MECOM: variants seen among roughly 807,000 people sequenced by gnomAD.
MECOM encodes the protein histone-lysine N-methyltransferase MECOM.
Under a neutral mutation model 116.3 loss-of-function variants are expected in MECOM, and 13 were observed. The observed-to-expected ratio is 0.11, with a 90% CI of 0.07 to 0.18. MECOM has a LOEUF of 0.18. Among genes scored for constraint, MECOM ranks in the 10% least tolerant of loss-of-function variants. The pLI, the probability that MECOM is intolerant of heterozygous loss-of-function variation, is 1.00. For missense variants in MECOM, 1,299 were observed against 1,509.0 expected (o/e 0.86, Z 2.31); for synonymous variants, 528 against 535.2 (o/e 0.99, Z 0.19).
intron 2 of MECOM, among the ~76,000 whole-genome samples, chr3:169,200,838 C>T (rs550645460): frequency 6.6e-6 from 1 of 152,166 alleles, no homozygotes; most frequent in South Asian, 2.1e-4. Context: ...GCAAGACCTC[C>T]CTACTCTGAT....
chr3:169,183,979 C>T (rs938205546), intron 2 of MECOM, among the ~76,000 whole-genome samples: 4 of 151,960 alleles, frequency 2.6e-5, no homozygotes, highest in Non-Finnish European at 4.4e-5. Flanking sequence ...ATTCTCCTGC[C>T]TCAGCCTCCC....
intron 2 of MECOM, among the ~76,000 whole-genome samples, chr3:169,350,973 A>G (rs1387768730): frequency 6.6e-6 from 1 of 151,942 alleles, no homozygotes; most frequent in African/African-American, 2.4e-5. Context: ...TTGTTTCATA[A>G]AATTATAGTA....
chr3:169,367,358 T>G (rs1560182405), intron 2 of MECOM, among the ~76,000 whole-genome samples: 2 of 151,546 alleles, frequency 1.3e-5, no homozygotes, highest in South Asian at 2.1e-4. Flanking sequence ...AATTTTTTTT[T>G]TGTGGGGGTA....
At chr3:169,337,419 G>A (rs1208392173) in intron 2 of MECOM, among the ~76,000 whole-genome samples, 1 of 152,058 alleles carries the variant, frequency 6.6e-6, no homozygotes, top group Admixed American at 6.6e-5. Flanking sequence ...TTCCCGACAC[G>A]CATCCTTTTG....
intron 1 of MECOM, among the ~76,000 whole-genome samples, chr3:169,438,536 G>A (rs1020299495): frequency 7.2e-5 from 11 of 152,156 alleles, no homozygotes; most frequent in Non-Finnish European, 1.2e-4. Context: ...TTTATCCACC[G>A]ATTCCCATCA....
intron 2 of MECOM, among the ~76,000 whole-genome samples, chr3:169,151,645 GAAC>G (rs1456432825): frequency 1.3e-5 from 2 of 152,202 alleles, no homozygotes; most frequent in Non-Finnish European, 2.9e-5. Context: ...ACATTTGGCT[GAAC>G]AATAAGTGCC....
rs568106603 is a variant in MECOM, at chr3:169,388,025, T to C, written c.38-6501A>G. On this transcript the variant is annotated intron_variant, in intron 1 of 16. Coordinates refer to ENST00000651503, the MANE Select transcript of MECOM (RefSeq NM_004991.4). Reference sequence around the variant, plus strand: ...AGAGGGTGGGCCCAAGCGCCAGTACTTTGTGCCCAACTTGCAAGCAGACAG... The same window carrying C: ...AGAGGGTGGGCCCAAGCGCCAGTACCTTGTGCCCAACTTGCAAGCAGACAG... Among the ~76,000 whole-genome samples the C allele has an allele frequency of 3.3e-5, 5 of 152,120 alleles. No individual in the cohort carries two copies. In the East Asian group the frequency reaches 9.7e-4, roughly 30 times the overall value.
intron 2 of MECOM, among the ~76,000 whole-genome samples, chr3:169,307,168 A>T (rs1460375658): frequency 6.6e-6 from 1 of 152,190 alleles, no homozygotes; most frequent in Non-Finnish European, 1.5e-5. Context: ...CCTAACATCA[A>T]TAATTCTTAG....
Position 169,556,683 on chromosome 3 carries a change from C to T in MECOM, c.37+106653G>A, listed in dbSNP as rs909122099. Among the ~76,000 whole-genome samples the T allele has an allele frequency of 2.0e-5, 3 of 152,248 alleles. No individual in the cohort carries two copies. The East Asian group carries it at 5.8e-4, about 29-fold the overall frequency. ...GGTCATAAAAAGCAGCATGTGTCCA[C>T]ACACATCACTCCCTTGAGGGGAGGC... On this transcript the variant is annotated intron_variant, in intron 1 of 16. Transcript: ENST00000651503.
At chr3:169,281,377 T>C (rs930449752) in intron 2 of MECOM, among the ~76,000 whole-genome samples, 4 of 152,194 alleles carry the variant, frequency 2.6e-5, no homozygotes, top group Non-Finnish European at 4.4e-5. Context: ...ACTGATTGGC[T>C]GTAAGAGTGA....
chr3:169,099,085 A>G (rs1439944461), intron 12 of MECOM, among the ~76,000 whole-genome samples: 2 of 147,892 alleles, frequency 1.4e-5, no homozygotes, highest in South Asian at 2.1e-4. Context: ...CATTTTTTCT[A>G]CACTGTTCAT....
At chr3:169,264,847 G>A (rs559439798) in intron 2 of MECOM, among the ~76,000 whole-genome samples, 31 of 152,296 alleles carry the variant, frequency 2.0e-4, no homozygotes, top group African/African-American at 7.2e-4. Context: ...ACTGACAGCA[G>A]TCCTTTCCAC....
chr3:169,486,005 A>AT (rs1752290510), intron 1 of MECOM, among the ~76,000 whole-genome samples: 1 of 83,362 alleles, frequency 1.2e-5, no homozygotes, highest in Non-Finnish European at 2.3e-5. Flanking sequence ...GTATATATAT[A>AT]CTATATATAT....
At chr3:169,378,831 A>G (rs1731892707) in intron 2 of MECOM, among the ~76,000 whole-genome samples, 1 of 152,090 alleles carries the variant, frequency 6.6e-6, no homozygotes, top group African/African-American at 2.4e-5. Flanking sequence ...CATTAGGGGA[A>G]CATTTAATGC....
At chr3:169,183,549 T>C in intron 2 of MECOM, among the ~76,000 whole-genome samples, 1 of 152,120 alleles carries the variant, frequency 6.6e-6, no homozygotes, top group Admixed American at 6.5e-5. Context: ...AAAATGTTCT[T>C]TGGCTTCACC....
At chr3:169,628,479 ATTTATGGAGCACC>A (rs1771658264) in intron 1 of MECOM, among the ~76,000 whole-genome samples, 1 of 152,216 alleles carries the variant, frequency 6.6e-6, no homozygotes, top group Non-Finnish European at 1.5e-5. Flanking sequence ...TAGGTTTAAC[ATTTATGGAGCACC>A]TTTCCTTTGC....
At chr3:169,570,276 A>G (rs1051441936) in intron 1 of MECOM, among the ~76,000 whole-genome samples, 3 of 152,212 alleles carry the variant, frequency 2.0e-5, no homozygotes, top group East Asian at 3.8e-4. Context: ...ACACCCTCCA[A>G]AGACTAAACC....
chr3:169,401,555 GA>G (rs1735910912), intron 1 of MECOM, among the ~76,000 whole-genome samples: 1 of 152,110 alleles, frequency 6.6e-6, no homozygotes. Flanking sequence ...CACGATCAAC[GA>G]ACTATGTCCA....
intron 1 of MECOM, among the ~76,000 whole-genome samples, chr3:169,568,171 G>A (rs766630623): frequency 5.9e-5 from 9 of 152,100 alleles, no homozygotes; most frequent in Non-Finnish European, 1.5e-5. Flanking sequence ...CTGCCATGAG[G>A]GACAGTGTAC....
Sources: allele counts gnomAD v4.1 joint callset (sites outside exome capture counted in the v4.1 genomes callset), GRCh38; gene constraint gnomAD v4.1.1; transcripts MANE v1.5; gene names NCBI Gene and HGNC (gene_info 2026-07-23, HGNC 2026-07-21).